PRKX: variants seen among roughly 807,000 people sequenced by gnomAD.
PRKX encodes protein kinase cAMP-dependent X-linked catalytic subunit.
Under a neutral mutation model 22.0 loss-of-function variants are expected in PRKX, and 12 were observed. The observed-to-expected ratio is 0.54, with a 90% confidence interval of 0.35 to 0.88. The LOEUF is 0.88. Ranked by LOEUF, PRKX falls within the 40% of genes least tolerant of loss-of-function variation. PRKX has a pLI of 0.01. For missense variants in PRKX, 217 were observed against 308.0 expected, an observed-to-expected ratio of 0.70 and a Z score of 2.21; for synonymous variants, 134 against 137.7, an observed-to-expected ratio of 0.97 and a Z score of 0.19.
intron 6 of PRKX, among the ~76,000 whole-genome samples, chrX:3,620,089 G>A (rs1199891051): frequency 1.8e-5 from 2 of 111,759 alleles, no homozygotes; most frequent in Admixed American, 1.9e-4. Flanking sequence ...CATACCTGAT[G>A]CACAACTTTT....
chrX:3,656,855 T>C (rs1213315320), intron 2 of PRKX, among the ~76,000 whole-genome samples: 1 of 112,124 alleles, frequency 8.9e-6, no homozygotes, highest in Non-Finnish European at 1.9e-5. Flanking sequence ...CCCTCAGTTC[T>C]GGAGGCTGGA....
At chrX:3,679,418 T>C (rs746763884) in intron 1 of PRKX, among the ~76,000 whole-genome samples, 1 of 112,733 alleles carries the variant, frequency 8.9e-6, no homozygotes, top group Non-Finnish European at 1.9e-5. Flanking sequence ...AGGGCTGCAA[T>C]GTGGAGATTA....
intron 1 of PRKX, among the ~76,000 whole-genome samples, chrX:3,700,892 C>G (rs1372042175): frequency 9.0e-6 from 1 of 111,396 alleles, no homozygotes; most frequent in Admixed American, 9.7e-5. Flanking sequence ...GTTCAGCCAC[C>G]AAGCCCAGCC....
intron 3 of PRKX, among the ~76,000 whole-genome samples, chrX:3,649,074 C>T (rs1348457750): frequency 8.9e-6 from 1 of 111,785 alleles, no homozygotes; most frequent in Non-Finnish European, 1.9e-5. Flanking sequence ...AATCTGAAAT[C>T]CCAAATGCTC....
In PRKX at chrX:3,605,506, TCA is replaced by T. The variant is rs757300585; in HGVS notation, c.*3461_*3462del. On this transcript the variant is annotated 3_prime_UTR_variant, in exon 9 of 9. Transcript: ENST00000262848. ...TCTTTAACAGTATTAAGCCATAGTT[TCA>T]CAGTTACAATGGTCCAAAGAATTAG... The T allele has an allele frequency of 1.8e-5, 2 of 112,862 alleles. No homozygotes were observed. Among genetic ancestry groups the T allele is most frequent in the African/African-American group, 6.4e-5 (2 of 31,038 alleles). The allele number at this position is 112,862 out of a possible 1,213,427, so 9.3% of individuals were successfully genotyped here.
chrX:3,653,585 T>G (rs1193052082), intron 3 of PRKX, among the ~76,000 whole-genome samples: 1 of 98,108 alleles, frequency 1.0e-5, no homozygotes, highest in Non-Finnish European at 2.0e-5. Context: ...GATATAGGTA[T>G]ACTATATATA....
rs1307279283 is a variant in PRKX at position 3,655,287 on chromosome X, G to A, written c.461C>T (p.Ala154Val). ...GTACTCGATGGCACAGATGATCTCT[G>A]CAGAGTAGAAGAGCCCCGTGGTGCT... ...FSSTTGLFYSAEIICAIEYLH... is the reference protein window; with the variant it reads ...FSSTTGLFYSVEIICAIEYLH... The change falls in exon 3 of 9, where the codon GCA (alanine) becomes GTA (valine). Residue 154 changes from alanine to valine, a missense_variant. Ala to Val is a moderately conservative substitution (Grantham distance 64). Transcript: ENST00000262848. 8.2e-7 allele frequency: 1 copy of A among 1,212,159 alleles called. No homozygotes were observed. Among genetic ancestry groups the A allele is most frequent in the Admixed American group, 2.2e-5 (1 of 46,090 alleles).
At chrX:3,689,869 C>A (rs930309252) in intron 1 of PRKX, among the ~76,000 whole-genome samples, 1 of 110,477 alleles carries the variant, frequency 9.1e-6, no homozygotes, top group South Asian at 3.9e-4. Flanking sequence ...CCCAGCTACT[C>A]AGGAGGCTGG....
chrX:3,685,458 A>G (rs1383691998), intron 1 of PRKX, among the ~76,000 whole-genome samples: 1 of 111,514 alleles, frequency 9.0e-6, no homozygotes, highest in Non-Finnish European at 1.9e-5. Context: ...TCTAAAATTC[A>G]TCTACCAAAT....
intron 4 of PRKX, among the ~76,000 whole-genome samples, chrX:3,633,992 G>A: frequency 8.9e-6 from 1 of 111,828 alleles, no homozygotes; most frequent in Non-Finnish European, 1.9e-5. Context: ...GCTCACACCT[G>A]TAATCTCAGC....
At chrX:3,695,936 C>G (rs904583235) in intron 1 of PRKX, among the ~76,000 whole-genome samples, 2 of 111,705 alleles carry the variant, frequency 1.8e-5, no homozygotes, top group Admixed American at 9.5e-5. Context: ...GTAGCTCTCT[C>G]CTACCCAGTG....
chrX:3,671,605 G>A (rs1394930065), intron 2 of PRKX, among the ~76,000 whole-genome samples: 1 of 111,832 alleles, frequency 8.9e-6, no homozygotes, highest in Non-Finnish European at 1.9e-5. Context: ...GGAGGAGCCG[G>A]TGAGCTGTAC....
chrX:3,653,112 G>A (rs1480171890), intron 3 of PRKX, among the ~76,000 whole-genome samples: 2 of 111,256 alleles, frequency 1.8e-5, no homozygotes, highest in Non-Finnish European at 3.8e-5. Flanking sequence ...TGTGCCCCCC[G>A]CCAAAATTCC....
chrX:3,609,504 C>T (rs777817710), intron 8 of PRKX, among the ~76,000 whole-genome samples: 25 of 110,868 alleles, frequency 2.3e-4, no homozygotes, highest in East Asian at 2.8e-4. Flanking sequence ...CCATCCAGGC[C>T]GGAGTACAGG....
rs1357164876 is a variant in PRKX at position 3,607,923 on chromosome X, C to T, written c.*1046G>A. 9.9e-6 allele frequency: 1 copy of T among 100,544 alleles called. No individual in the cohort carries two copies. Among genetic ancestry groups the T allele is most frequent in the Non-Finnish European group, 2.0e-5 (1 of 49,638 alleles). 8.3% of individuals were successfully genotyped at this position (100,544 alleles called of 1,213,427 possible). ...TTGGACAGGGTCTCACTCTGTCACC[C>T]AGGCTGGAATGCAGTGGTGTGATCT... On this transcript the variant is annotated 3_prime_UTR_variant, in exon 9 of 9. Coordinates refer to ENST00000262848, the MANE Select transcript of PRKX (RefSeq NM_005044.5).
At chrX:3,700,749 TTTGTTG>T (rs3073363) in intron 1 of PRKX, among the ~76,000 whole-genome samples, 2 of 105,466 alleles carry the variant, frequency 1.9e-5, no homozygotes, top group African/African-American at 3.5e-5. Context: ...CAGCTAATTG[TTTGTTG>T]TTGTTGTTGT....
intron 1 of PRKX, among the ~76,000 whole-genome samples, chrX:3,700,848 C>G (rs1374710255): frequency 9.0e-6 from 1 of 111,529 alleles, no homozygotes; most frequent in East Asian, 2.8e-4. Context: ...GCTCCACCCA[C>G]CTCAACCTCC....
chrX:3,702,150 T>G (rs1464109608), intron 1 of PRKX, among the ~76,000 whole-genome samples: 2 of 112,131 alleles, frequency 1.8e-5, no homozygotes, highest in East Asian at 2.8e-4. Context: ...CCTCCACTCT[T>G]GTCCTCTCAT....
rs773941457 is a variant in PRKX, at chrX:3,708,622, TG to T, written c.166+4465del. On this transcript the variant is annotated intron_variant, in intron 1 of 8. Transcript: ENST00000262848. The stretch of plus-strand genomic sequence containing the variant: ...GCTCACACCTGCAATCCCACCTCTT[TG>T]GGAGGCCAAGGCGGGCGGATCGCCT... 2.7e-5 allele frequency among the ~76,000 whole-genome samples: 3 copies of T among 109,903 alleles called. No individual in the cohort carries two copies. In the South Asian group the frequency reaches 1.2e-3, roughly 43 times the overall value.
Sources: allele counts gnomAD v4.1 joint callset (sites outside exome capture counted in the v4.1 genomes callset), GRCh38; gene constraint gnomAD v4.1.1; transcripts MANE v1.5; gene names NCBI Gene and HGNC (gene_info 2026-07-23, HGNC 2026-07-21).